ATP9B: variants seen among roughly 807,000 people sequenced by gnomAD.
ATP9B encodes probable phospholipid-transporting ATPase IIB.
Under a neutral mutation model 146.1 loss-of-function variants are expected in ATP9B, and 110 were observed. That is an observed-to-expected ratio of 0.75 (90% CI 0.65 to 0.88). The LOEUF (loss-of-function observed/expected upper bound fraction) is 0.88, where lower values mean the gene tolerates loss of function less well. ATP9B is among the 40% of genes least tolerant of loss of function. ATP9B has a pLI of 0.00. For missense variants in ATP9B, 1,499 were observed against 1,496.4 expected (o/e 1.00, Z -0.03); for synonymous variants, 604 against 569.7 (o/e 1.06, Z -0.86).
intron 4 of ATP9B, among the ~76,000 whole-genome samples, chr18:79,118,390 G>GTTTTTTTTTTT (rs752788043): frequency 2.1e-5 from 2 of 93,278 alleles, no homozygotes; most frequent in Non-Finnish European, 4.3e-5. Context: ...GAACGTTTTT[G>GTTTTTTTTTTT]TTTTTTTTTT....
intron 12 of ATP9B, among the ~76,000 whole-genome samples, chr18:79,260,380 G>T (rs1401652378): frequency 2.0e-5 from 3 of 152,098 alleles, no homozygotes; most frequent in African/African-American, 7.2e-5. Flanking sequence ...CCATGATCCA[G>T]TCACCCATCT....
Position 79,244,610 on chromosome 18 carries a change from T to A in ATP9B, c.1108-8771T>A, listed in dbSNP as rs1489351095. The stretch of plus-strand genomic sequence containing the variant: ...TTTTAGTACTACACAAGATTTTTTG[T>A]TCAGCAACATATTTTGTAAATTATA... On this transcript the variant is annotated intron_variant, in intron 11 of 29. Transcript: ENST00000426216. Among the ~76,000 whole-genome samples, 6 of 152,198 alleles carry A rather than the reference T, an allele frequency of 3.9e-5. No individual in the cohort carries two copies. The East Asian group carries it at 1.2e-3, about 29-fold the overall frequency.
At chr18:79,372,088 G>A (rs1568860195) in intron 26 of ATP9B, among the ~76,000 whole-genome samples, 1 of 152,190 alleles carries the variant, frequency 6.6e-6, no homozygotes, top group Non-Finnish European at 1.5e-5. Context: ...AACAAGTCAG[G>A]GCGATTGTTA....
intron 7 of ATP9B, 120 bp from the exon 8 acceptor site, chr18:79,176,693 C>T (rs1364914147): frequency 1.3e-6 from 1 of 745,474 alleles, no homozygotes; most frequent in African/African-American, 1.8e-5. Context: ...CTGGGAATAT[C>T]TAGATTGTTA....
chr18:79,330,730 G>A (rs12458253), intron 17 of ATP9B, among the ~76,000 whole-genome samples: 25,887 of 152,084 alleles, frequency 0.17, 2,263 homozygotes, highest in Admixed American at 0.2. Flanking sequence ...TACTTTCTGT[G>A]TAAATAACAA....
chr18:79,153,878 C>CCT (rs1197781453), intron 6 of ATP9B, among the ~76,000 whole-genome samples: 1 of 151,770 alleles, frequency 6.6e-6, no homozygotes, highest in East Asian at 1.9e-4. Context: ...AAACTCCTGT[C>CCT]CTCAAGTGAT....
intron 9 of ATP9B, among the ~76,000 whole-genome samples, chr18:79,204,861 A>G (rs185591004): frequency 3.8e-4 from 58 of 152,316 alleles, no homozygotes; most frequent in African/African-American, 1.1e-3. Flanking sequence ...CATATTGTAG[A>G]TGACGTAACC....
chr18:79,092,898 T>C (rs1010845283), intron 1 of ATP9B, among the ~76,000 whole-genome samples: 1 of 152,188 alleles, frequency 6.6e-6, no homozygotes, highest in Non-Finnish European at 1.5e-5. Context: ...AAAATAATAA[T>C]GATACAGTAT....
chr18:79,196,408 G>A (rs192845671), intron 9 of ATP9B, among the ~76,000 whole-genome samples: 37 of 152,288 alleles, frequency 2.4e-4, no homozygotes, highest in African/African-American at 7.9e-4. Flanking sequence ...GGTGGAAGAT[G>A]GTACAGTGTA....
intron 11 of ATP9B, among the ~76,000 whole-genome samples, chr18:79,252,787 C>G (rs1013852895): frequency 1.3e-5 from 2 of 149,248 alleles, no homozygotes; most frequent in Non-Finnish European, 3.0e-5. Context: ...TTTAAGCTAG[C>G]TAACTATTGC....
intron 1 of ATP9B, among the ~76,000 whole-genome samples, chr18:79,088,934 C>G (rs1337428361): frequency 5.3e-5 from 8 of 152,324 alleles, no homozygotes; most frequent in Non-Finnish European, 1.2e-4. Flanking sequence ...GTTCTCCACT[C>G]TTACCAGCGA....
Position 79,337,341 on chromosome 18 carries a change from C to T in ATP9B, c.2175C>T (p.Val725=), listed in dbSNP as rs202079223. The T allele has an allele frequency of 8.1e-6, 13 of 1,614,122 alleles. No individual in the cohort carries two copies. The highest frequency in any genetic ancestry group is 6.7e-5 in the African/African-American group (5 of 75,064). Residue 725 remains valine, a synonymous_variant, in exon 19 of 30, where the codon GTC becomes GTT. Coordinates refer to ENST00000426216, the MANE Select transcript of ATP9B (RefSeq NM_198531.5). ...GGTCCCTCAAGGTGGCCGCGGTAGTCGAGAGCCTGGAGAGGGAGATGGAAC... is the reference window on the plus strand; with the variant it reads ...GGTCCCTCAAGGTGGCCGCGGTAGTTGAGAGCCTGGAGAGGGAGATGGAAC... ...HDRSLKVAAV[V]ESLEREMELL...
At chr18:79,146,961 G>A (rs1200488852) in intron 6 of ATP9B, 2 of 152,208 alleles carry the variant, frequency 1.3e-5, no homozygotes, top group Non-Finnish European at 2.9e-5. Flanking sequence ...TTGTGTGCAC[G>A]AAAGTCTCTT....
intron 3 of ATP9B, among the ~76,000 whole-genome samples, chr18:79,112,075 T>C (rs2093985534): frequency 6.6e-6 from 1 of 152,226 alleles, no homozygotes; most frequent in South Asian, 2.1e-4. Flanking sequence ...AACATAAATA[T>C]ATTGTCAGTG....
chr18:79,090,711 T>C (rs949701551), intron 1 of ATP9B, among the ~76,000 whole-genome samples: 1 of 152,182 alleles, frequency 6.6e-6, no homozygotes, highest in African/African-American at 2.4e-5. Flanking sequence ...TAGGCAAATA[T>C]TTTCCCCCAT....
At chr18:79,118,048 C>T (rs1390888916) in intron 4 of ATP9B, 2 of 152,098 alleles carry the variant, frequency 1.3e-5, no homozygotes, top group East Asian at 3.8e-4. Context: ...CTTCATTTTT[C>T]ACTTCACTAA....
At chr18:79,158,713 C>T (rs1044183957) in intron 7 of ATP9B, among the ~76,000 whole-genome samples, 1 of 152,154 alleles carries the variant, frequency 6.6e-6, no homozygotes, top group Non-Finnish European at 1.5e-5. Context: ...TATATGATTT[C>T]TATCCTTTGA....
Position 79,196,052 on chromosome 18 carries a change from G to C in ATP9B, c.954+2789G>C, listed in dbSNP as rs115859163. 3.6e-3 allele frequency among the ~76,000 whole-genome samples: 553 copies of C among 152,294 alleles called. 3 individuals are homozygous for C. The highest frequency in any genetic ancestry group is 0.024 in the South Asian group (115 of 4,820). On this transcript the variant is annotated intron_variant, in intron 9 of 29. Coordinates refer to ENST00000426216, the MANE Select transcript of ATP9B (RefSeq NM_198531.5). ...TTACATATACAGGGAAAAATCCTTTGATCTCCCTGGGAAAATGACCAGCTC... is the reference window on the plus strand; with the variant it reads ...TTACATATACAGGGAAAAATCCTTTCATCTCCCTGGGAAAATGACCAGCTC...
At chr18:79,113,457 T>TG in intron 4 of ATP9B, 103 bp downstream of exon 4, 2 of 772,726 alleles carry the variant, frequency 2.6e-6, no homozygotes, top group Non-Finnish European at 4.2e-6. Context: ...TTTTAAAACA[T>TG]GGTGTTGTAG....
Sources: gnomAD v4.1 joint callset for allele counts (sites outside exome capture counted in the v4.1 genomes callset) on GRCh38, gnomAD v4.1.1 for gene constraint, MANE v1.5 for transcripts, NCBI Gene and HGNC (gene_info 2026-07-23, HGNC 2026-07-21) for gene names.